The following NRXN2 variants were observed in gnomAD, a reference collection of about 807,000 sequenced individuals.
NRXN2 encodes the protein neurexin 2, also known as neurexin-2-beta.
Under a neutral mutation model 128.8 loss-of-function variants are expected in NRXN2, and 29 were observed. The observed-to-expected ratio is 0.23, with a 90% CI of 0.17 to 0.31. The LOEUF (loss-of-function observed/expected upper bound fraction) is 0.31. NRXN2 is among the 10% of genes least tolerant of loss of function. The probability of loss-of-function intolerance (pLI) is 1.00; values close to 1 mark genes in which losing one functional copy is unlikely to be tolerated. For missense variants in NRXN2, 1,881 were observed against 2,452.6 expected (o/e 0.77, Z 4.92); for synonymous variants, 1,098 against 1,075.2 (o/e 1.02, Z -0.41).
rs1278862860 is a variant in NRXN2, at chr11:64,620,328, A to G, written c.4218T>C (p.Asp1406=). 1.2e-5 allele frequency: 18 copies of G among 1,554,420 alleles called. No homozygotes were observed. The South Asian group carries it at 1.4e-4, about 12-fold the overall frequency. The change falls in exon 22 of 23, where the codon GAT becomes GAC. Residue 1406 remains aspartate (D), a synonymous_variant. Transcript: ENST00000265459. The part of the protein sequence containing the change: ...LLVASAECPS[D]DEDLEECEPS... ...GCTCACACTCCTCCAGGTCCTCATC[A>G]TCGCTTGGACACTCAGCAGAGGCCA...
Position 64,622,869 on chromosome 11 carries a change from T to G in NRXN2, c.4057A>C (p.Thr1353Pro), listed in dbSNP as rs764440954. 11 of 1,612,766 alleles carry G rather than the reference T, an allele frequency of 6.8e-6. No individual in the cohort carries two copies. Among genetic ancestry groups the G allele is most frequent in the African/African-American group, 1.3e-5 (1 of 74,928 alleles). The part of the protein sequence containing the change: ...GPSVLLSAET[T>P]ATTLLADMAT... The stretch of plus-strand genomic sequence containing the variant: ...ATGTCAGCCAGCAGGGTGGTGGCCG[T>G]GGTCTCCGCACTGAGCAGCACGGAC... Residue 1353 changes from threonine to proline, a missense_variant, in exon 21 of 23, where the codon ACG becomes CCG. Physicochemically the swap from Thr to Pro is conservative, Grantham distance 38 (BLOSUM62 -1). This residue lies in a region of NRXN2 where 108 missense variants were observed against 165.2 expected (regional missense o/e 0.65). Coordinates refer to ENST00000265459, the MANE Select transcript of NRXN2 (RefSeq NM_015080.4). The surrounding 1 kb of genome is among the most constrained non-coding windows in gnomAD (Gnocchi z 4.3).
rs994887228 is a variant in NRXN2 at position 64,667,241 on chromosome 11, C to G, written c.1798+9G>C. 1 of 1,614,026 alleles carries G rather than the reference C, an allele frequency of 6.2e-7. No individual in the cohort carries two copies. The highest frequency in any genetic ancestry group is 8.5e-7 in the Non-Finnish European group (1 of 1,179,966). On this transcript the variant is annotated intron_variant, in intron 9 of 22. Coordinates refer to ENST00000265459, the MANE Select transcript of NRXN2 (RefSeq NM_015080.4). This position sits in a 1 kb window ranked among gnomAD's most constrained non-coding sequence, Gnocchi z 5.6. ...CCATGGAAGGGGAAGGGTCCAGAGG[C>G]CTCCTGACCTTTTCGCCCATCCCTC...
At position 64,660,303 on chromosome 11, in the gene NRXN2, G is replaced by T. The variant is rs570018852; in HGVS notation, c.2389+29C>A. The T allele has an allele frequency of 1.9e-6, 3 of 1,609,114 alleles. No homozygotes were observed. The highest frequency in any genetic ancestry group is 2.2e-5 in the South Asian group (2 of 90,944). On this transcript the variant is annotated intron_variant, in intron 11 of 22. Transcript: ENST00000265459. The surrounding 1 kb of genome is among the most constrained non-coding windows in gnomAD (Gnocchi z 5.2). Reference sequence around the variant, plus strand: ...GGGTCAGAGACAAGGCCAGGTGAGGGGTCAGGAAGCACAGGGCAGGGTGGT... The same window carrying T: ...GGGTCAGAGACAAGGCCAGGTGAGGTGTCAGGAAGCACAGGGCAGGGTGGT...
rs1196744627 is a variant in NRXN2, at chr11:64,714,962, G to A, written c.-244-1019C>T. Among the ~76,000 whole-genome samples the A allele has an allele frequency of 6.6e-6, 1 of 152,092 alleles. No homozygotes were observed. Among genetic ancestry groups the A allele is most frequent in the Non-Finnish European group, 1.5e-5 (1 of 68,014 alleles). On this transcript the variant is annotated intron_variant, in intron 1 of 22. Coordinates refer to ENST00000265459, the MANE Select transcript of NRXN2 (RefSeq NM_015080.4). This position sits in a 1 kb window ranked among gnomAD's most constrained non-coding sequence, Gnocchi z 4.5. ...ATTGATTTTATTTTGGGGAGGGAGG[G>A]AGAGAAGGAGGTGGGGAGAAGCCTG...
In NRXN2 at chr11:64,648,161, A is replaced by G. The variant is rs757730121; in HGVS notation, c.3403+58T>C. On this transcript the variant is annotated intron_variant, in intron 17 of 22. Transcript: ENST00000265459. This position sits in a 1 kb window ranked among gnomAD's most constrained non-coding sequence, Gnocchi z 4.1. ...CCCTGTTTCCTCCCTGGCAGCCCCT[A>G]TGGCTGGGAATGGACCCTGGTCTCC... 1.1e-4 allele frequency: 178 copies of G among 1,612,842 alleles called. No homozygotes were observed. In the Middle Eastern group the frequency reaches 1.3e-3, roughly 12 times the overall value.
In NRXN2 at chr11:64,713,817, G is replaced by T. The variant is rs1429257144; in HGVS notation, c.-118C>A. The T allele has an allele frequency of 5.0e-5, 26 of 517,472 alleles. No individual in the cohort carries two copies. The highest frequency in any genetic ancestry group is 6.0e-5 in the Non-Finnish European group (24 of 398,690). The allele number at this position is 517,472 out of a possible 1,614,324, so 32.1% of individuals were successfully genotyped here. The stretch of plus-strand genomic sequence containing the variant: ...CGCGCTGAGCGGGGCTCCCTTGCAG[G>T]CTCACAGTGCCATGGGCCCGGCCGC... On this transcript the variant is annotated 5_prime_UTR_variant, in exon 2 of 23. Coordinates refer to ENST00000265459, the MANE Select transcript of NRXN2 (RefSeq NM_015080.4).
intron 6 of NRXN2, 52 bp downstream of exon 6, chr11:64,685,594 C>G: frequency 6.2e-7 from 1 of 1,611,902 alleles, no homozygotes; most frequent in Non-Finnish European, 8.5e-7. Context: ...CTCCCAACCC[C>G]CATTCTACCC....
intron 2 of NRXN2, among the ~76,000 whole-genome samples, chr11:64,703,009 A>C (rs2055727341): frequency 6.7e-6 from 1 of 149,592 alleles, no homozygotes; most frequent in Non-Finnish European, 1.5e-5. Flanking sequence ...GAAAGAATTA[A>C]AAAAAAAAGA....
chr11:64,716,794 C>G (rs547318341), intron 1 of NRXN2, among the ~76,000 whole-genome samples: 2 of 152,148 alleles, frequency 1.3e-5, no homozygotes, highest in Non-Finnish European at 2.9e-5. Context: ...CTCTCTCCCC[C>G]GGGATCCACA....
intron 3 of NRXN2, among the ~76,000 whole-genome samples, chr11:64,697,226 A>G (rs1159119810): frequency 1.3e-5 from 2 of 152,140 alleles, no homozygotes; most frequent in Non-Finnish European, 2.9e-5. Context: ...TGCTGGTCAC[A>G]GTGGGGCAGA....
rs71579868 is a variant in NRXN2, at chr11:64,620,390, G to C, written c.4174-18C>G. 1 of 1,548,186 alleles carries C rather than the reference G, an allele frequency of 6.5e-7. No homozygotes were observed. The highest frequency in any genetic ancestry group is 1.7e-4 in the Middle Eastern group (1 of 5,988). On this transcript the variant is annotated intron_variant, in intron 21 of 22. Transcript: ENST00000265459. ...TCTGTGTTCTGAGGGGCGAGAGAAG[G>C]GGTGGGGAAAGAGAGGTTCCAGGCA...
intron 1 of NRXN2, among the ~76,000 whole-genome samples, chr11:64,721,452 C>T (rs2057430303): frequency 6.6e-6 from 1 of 151,998 alleles, no homozygotes. Flanking sequence ...CTTCCTCTAG[C>T]ATGAATGAAG....
intron 1 of NRXN2, among the ~76,000 whole-genome samples, chr11:64,722,016 C>T (rs1180315458): frequency 1.3e-5 from 2 of 152,084 alleles, no homozygotes; most frequent in African/African-American, 4.8e-5. Context: ...GAGACAACAG[C>T]ACCCCAAAGC....
Position 64,677,011 on chromosome 11 carries a change from T to C in NRXN2, c.1179A>G (p.Val393=), listed in dbSNP as rs1391884204. ...RQHAGIGHAM[V]NKLHYLVTIS... ...TATCTACCAGATAATGCAGTTTGTT[T>C]ACCATAGCGTGTCCAATCCCTGCGT... is the stretch of plus-strand genomic sequence containing the variant. The change falls in exon 7 of 23, where the codon GTA becomes GTG. Residue 393 remains valine (V), a synonymous_variant. Coordinates refer to ENST00000265459, the MANE Select transcript of NRXN2 (RefSeq NM_015080.4). 1 of 1,586,112 alleles carries C rather than the reference T, an allele frequency of 6.3e-7. No individual in the cohort carries two copies. The highest frequency in any genetic ancestry group is 8.6e-7 in the Non-Finnish European group (1 of 1,165,088).
intron 19 of NRXN2, among the ~76,000 whole-genome samples, chr11:64,627,234 C>A (rs1435673366): frequency 6.6e-6 from 1 of 152,000 alleles, no homozygotes; most frequent in Non-Finnish European, 1.5e-5. Flanking sequence ...CACCACTGCA[C>A]TCCCTTTGCA....
chr11:64,649,016 TC>T, intron 15 of NRXN2, 109 bp from the exon 16 acceptor site: 1 of 1,142,934 alleles, frequency 8.7e-7, no homozygotes, highest in South Asian at 1.3e-5. Flanking sequence ...CTGCGTTCCA[TC>T]CCAGATTCCA....
At position 64,623,431 on chromosome 11, in the gene NRXN2, T is replaced by C; in HGVS notation, c.3848-353A>G. ...AGGTCATCTCCCCTCTTCATCCTCT[T>C]CCCTCAGTCCATCCCCATCTTCTCC... On this transcript the variant is annotated intron_variant, in intron 20 of 22. Coordinates refer to ENST00000265459, the MANE Select transcript of NRXN2 (RefSeq NM_015080.4). This position sits in a 1 kb window ranked among gnomAD's most constrained non-coding sequence, Gnocchi z 4.9. The C allele has an allele frequency of 3.0e-6, 1 of 331,642 alleles. No individual in the cohort carries two copies. The allele number at this position is 331,642 out of a possible 1,614,324, so 20.5% of individuals were successfully genotyped here.
intron 19 of NRXN2, among the ~76,000 whole-genome samples, chr11:64,627,364 GC>G (rs1424664953): frequency 6.6e-6 from 1 of 151,340 alleles, no homozygotes; most frequent in Admixed American, 6.6e-5. Context: ...CTCCTCTTCG[GC>G]CCCTTTCTCC....
chr11:64,658,526 C>A (rs2048577435), intron 11 of NRXN2, among the ~76,000 whole-genome samples: 5 of 152,248 alleles, frequency 3.3e-5, no homozygotes, highest in Admixed American at 3.3e-4. Context: ...GAGGCCCTGG[C>A]CACCTGCATA....
Sources: gnomAD v4.1 joint callset for allele counts (sites outside exome capture counted in the v4.1 genomes callset) on GRCh38, gnomAD v4.1.1 for gene constraint, gnomAD v4.1.1 regional missense constraint, Gnocchi (gnomAD v3.1) non-coding constraint, MANE v1.5 for transcripts, NCBI Gene and HGNC (gene_info 2026-07-23, HGNC 2026-07-21) for gene names.